RELCH: variants seen among roughly 807,000 people sequenced by gnomAD.
RELCH encodes RAB11-binding protein RELCH.
RELCH carries 41 observed loss-of-function variants against 150.3 expected under a neutral mutation model. The observed-to-expected ratio is 0.27, with a 90% CI of 0.21 to 0.35. RELCH has a LOEUF of 0.35. Ranked by LOEUF, RELCH falls within the 10% of genes least tolerant of loss-of-function variation. The pLI is 1.00. For missense variants in RELCH, 1,092 were observed against 1,467.8 expected (o/e 0.74, Z 4.18); for synonymous variants, 478 against 531.8 (o/e 0.90, Z 1.39).
chr18:62,194,745 C>T (rs2038905133), intron 1 of RELCH, among the ~76,000 whole-genome samples: 1 of 152,070 alleles, frequency 6.6e-6, no homozygotes, highest in African/African-American at 2.4e-5. Context: ...TGATTATAAA[C>T]GGTTTAAAGA....
chr18:62,210,924 C>CTG lies in RELCH; in HGVS notation c.527-222_527-221dup, dbSNP rs1491152033. Among the ~76,000 whole-genome samples the CTG allele has an allele frequency of 2.0e-5, 3 of 152,146 alleles. No individual in the cohort carries two copies. The East Asian group carries it at 5.8e-4, about 29-fold the overall frequency. On this transcript the variant is annotated intron_variant, in intron 1 of 28. Transcript: ENST00000644646. ...TTGCCTGGGCTGCTTGCAATATTCC[C>CTG]TGTGTGTGCATTATTTGGGAGTTGG...
intron 18 of RELCH, 143 bp from the exon 19 acceptor site, chr18:62,266,558 A>G (rs1392625656): frequency 5.6e-5 from 28 of 500,220 alleles, no homozygotes; most frequent in Non-Finnish European, 9.6e-5. Context: ...ATTAAGAATT[A>G]TTACATTTCT....
intron 26 of RELCH, among the ~76,000 whole-genome samples, chr18:62,288,291 A>G (rs1568438439): frequency 6.6e-6 from 1 of 152,122 alleles, no homozygotes; most frequent in African/African-American, 2.4e-5. Flanking sequence ...AAAACAGAGA[A>G]CAAAGGAAGA....
chr18:62,276,099 C>A (rs191912657), intron 22 of RELCH, among the ~76,000 whole-genome samples: 2 of 152,150 alleles, frequency 1.3e-5, no homozygotes, highest in Admixed American at 1.3e-4. Context: ...TATGTCATAG[C>A]CCTAGTATGT....
At chr18:62,283,997 T>C (rs1600231892) in intron 25 of RELCH, among the ~76,000 whole-genome samples, 1 of 152,180 alleles carries the variant, frequency 6.6e-6, no homozygotes, top group East Asian at 1.9e-4. Context: ...GTTAAAACTT[T>C]TCTAGAGCAT....
intron 27 of RELCH, among the ~76,000 whole-genome samples, chr18:62,296,463 G>A (rs1001823722): frequency 2.0e-5 from 3 of 152,156 alleles, no homozygotes; most frequent in Non-Finnish European, 1.5e-5. Flanking sequence ...GTGCATGCTT[G>A]TAATTCCAGC....
At chr18:62,270,370 G>GT (rs2043826254) in intron 20 of RELCH, among the ~76,000 whole-genome samples, 1 of 152,126 alleles carries the variant, frequency 6.6e-6, no homozygotes, top group South Asian at 2.1e-4. Context: ...GGCCACCAAT[G>GT]TAACAGGCTG....
chr18:62,296,641 A>G (rs1203332455), intron 27 of RELCH, among the ~76,000 whole-genome samples: 3 of 151,444 alleles, frequency 2.0e-5, no homozygotes, highest in Admixed American at 6.6e-5. Context: ...AGTTCTTTTC[A>G]GTTTTGCTTT....
intron 26 of RELCH, 103 bp from the exon 27 acceptor site, chr18:62,291,440 G>A: frequency 1.7e-6 from 1 of 589,970 alleles, no homozygotes; most frequent in South Asian, 2.4e-5. Context: ...CTATGCCATA[G>A]GTATGATATA....
Position 62,287,407 on chromosome 18 carries a change from T to G in RELCH, c.3310T>G (p.Ser1104Ala), listed in dbSNP as rs2044866747. 6.2e-7 allele frequency: 1 copy of G among 1,611,050 alleles called. No individual in the cohort carries two copies. The highest frequency in any genetic ancestry group is 8.5e-7 in the Non-Finnish European group (1 of 1,177,988). The part of the protein sequence containing the change: ...ALVNNLQIVD[S>A]KRLDIATHLF... ...GGTGAACAACTTACAGATTGTGGAT[T>G]CTAAAAGACTGGACATTGCTACGCA... is the stretch of plus-strand genomic sequence containing the variant. Residue 1104 changes from serine (S) to alanine (A), a missense_variant, in exon 26 of 29, where the codon TCT (serine) becomes GCT (alanine). Around this residue, in one of 4 missense-constraint regions of RELCH, gnomAD observed 707 missense variants for 1,025.4 expected, o/e 0.69. Coordinates refer to ENST00000644646, the MANE Select transcript of RELCH (RefSeq NM_001346231.2).
At chr18:62,196,584 T>C (rs951781767) in intron 1 of RELCH, among the ~76,000 whole-genome samples, 1 of 152,232 alleles carries the variant, frequency 6.6e-6, no homozygotes, top group Non-Finnish European at 1.5e-5. Flanking sequence ...TGAATTAGAC[T>C]TTCCACTATT....
At chr18:62,246,758 G>A (rs1174875339) in intron 11 of RELCH, 3 of 152,148 alleles carry the variant, frequency 2.0e-5, no homozygotes, top group Admixed American at 6.6e-5. Flanking sequence ...TCCTCATTCA[G>A]TCTGCTGTCA....
In RELCH at chr18:62,210,653, A is replaced by G. The variant is rs77443495; in HGVS notation, c.527-500A>G. Among the ~76,000 whole-genome samples the G allele has an allele frequency of 1.1e-3, 167 of 152,330 alleles. 4 individuals carry two copies. The East Asian group carries it at 0.03, about 27-fold the overall frequency. On this transcript the variant is annotated intron_variant, in intron 1 of 28. Transcript: ENST00000644646. Reference sequence around the variant, plus strand: ...GTTATACTAGCTATAATAAAATCTTAGTCTACTGATTTTACCATTATGTCC... The same window carrying G: ...GTTATACTAGCTATAATAAAATCTTGGTCTACTGATTTTACCATTATGTCC...
chr18:62,196,418 T>G (rs1008785133), intron 1 of RELCH, among the ~76,000 whole-genome samples: 2 of 151,942 alleles, frequency 1.3e-5, no homozygotes, highest in Non-Finnish European at 2.9e-5. Flanking sequence ...TTGGTAGAGA[T>G]TAGGTTTTGC....
chr18:62,291,677 C>A, intron 27 of RELCH, 46 bp downstream of exon 27: 1 of 1,221,374 alleles, frequency 8.2e-7, no homozygotes, highest in South Asian at 1.3e-5. Context: ...TTTAATACCT[C>A]ATATATAGAC....
Position 62,264,368 on chromosome 18 carries a change from A to G in RELCH, c.2507+223A>G, listed in dbSNP as rs114403961. Among the ~76,000 whole-genome samples, 153 of 152,170 alleles carry G rather than the reference A, an allele frequency of 1.0e-3. 1 individual carries two copies. Among genetic ancestry groups the G allele is most frequent in the African/African-American group, 3.6e-3 (149 of 41,548 alleles). On this transcript the variant is annotated intron_variant, in intron 17 of 28. Transcript: ENST00000644646. ...GATCTATCTGCCATCTTGTTTGTCC[A>G]ATCGTGGTGATGGATTTTAAACTAC...
intron 1 of RELCH, among the ~76,000 whole-genome samples, chr18:62,191,383 A>C (rs1246740338): frequency 6.6e-6 from 1 of 152,078 alleles, no homozygotes; most frequent in African/African-American, 2.4e-5. Context: ...CCTTTTGCTT[A>C]GTATATTTTT....
At position 62,298,776 on chromosome 18, in the gene RELCH, AT is replaced by A; in HGVS notation, c.3460-7del. 2.2e-6 allele frequency: 3 copies of A among 1,368,154 alleles called. No individual in the cohort carries two copies. Among genetic ancestry groups the A allele is most frequent in the South Asian group, 1.2e-5 (1 of 82,810 alleles). 84.8% of individuals were successfully genotyped at this position (1,368,154 alleles called of 1,614,324 possible). On this transcript the variant is annotated splice_polypyrimidine_tract_variant and intron_variant, in intron 27 of 28. Coordinates refer to ENST00000644646, the MANE Select transcript of RELCH (RefSeq NM_001346231.2). Reference sequence around the variant, plus strand: ...TGTAAACTGTATTTCACTAAGGTAAATTTTTTTAATCAGGTTATTTTAAGTT... The same window carrying A: ...TGTAAACTGTATTTCACTAAGGTAAATTTTTTAATCAGGTTATTTTAAGTT...
chr18:62,283,714 GATAGT>G, intron 25 of RELCH, among the ~76,000 whole-genome samples: 1 of 152,158 alleles, frequency 6.6e-6, no homozygotes, highest in Non-Finnish European at 1.5e-5. Context: ...TAGCACTAGG[GATAGT>G]TCCACATGTT....
Sources: gnomAD v4.1 joint callset for allele counts (sites outside exome capture counted in the v4.1 genomes callset) on GRCh38, gnomAD v4.1.1 for gene constraint, gnomAD v4.1.1 regional missense constraint, MANE v1.5 for transcripts, NCBI Gene and HGNC (gene_info 2026-07-23, HGNC 2026-07-21) for gene names.